The following IFT172 variants were observed in gnomAD, a reference collection of about 807,000 sequenced individuals.
IFT172 encodes the protein intraflagellar transport protein 172 homolog.
In IFT172, 164 loss-of-function variants were observed where a neutral mutation model predicts 248.9. The ratio of observed to expected loss-of-function variants is 0.66; its 90% CI spans 0.58 to 0.75. The LOEUF is 0.75. Ranked by LOEUF, IFT172 falls within the 30% of genes least tolerant of loss-of-function variation. IFT172 has a pLI of 0.00. For synonymous variants in IFT172, 729 were observed against 791.6 expected (o/e 0.92, Z 1.33); for missense variants, 1,950 against 2,192.4 (o/e 0.89, Z 2.21).
intron 14 of IFT172, among the ~76,000 whole-genome samples, chr2:27,473,340 A>C (rs113954968): frequency 0.45 from 63,761 of 140,156 alleles, 15,983 homozygotes; most frequent in African/African-American, 0.66. Context: ...ACTTCACTCC[A>C]GCCTGGATGA....
intron 25 of IFT172, 90 bp downstream of exon 25, chr2:27,459,288 G>A (rs1282622498): frequency 2.7e-6 from 4 of 1,496,194 alleles, no homozygotes; most frequent in Non-Finnish European, 3.6e-6. Flanking sequence ...AGAAGGATCT[G>A]GTGAACTTGC....
At chr2:27,462,867 G>A (rs932428771) in intron 19 of IFT172, 74 bp from the exon 20 acceptor site, 36 of 1,428,898 alleles carry the variant, frequency 2.5e-5, no homozygotes, top group Admixed American at 3.5e-5. Flanking sequence ...AAATTGGAAG[G>A]CCAGAAGGAT....
intron 16 of IFT172, among the ~76,000 whole-genome samples, chr2:27,466,463 T>A (rs1042728044): frequency 1.3e-5 from 2 of 152,132 alleles, no homozygotes; most frequent in African/African-American, 4.8e-5. Flanking sequence ...AAACCTAGGA[T>A]CCACTCTTTA....
chr2:27,480,169 T>C lies in IFT172; in HGVS notation c.786-20A>G. ...CGAAGCCTGAAATAAAGTATGTGGC[T>C]TTTAGAAGAGATTGAGGCTGAGCTA... On this transcript the variant is annotated intron_variant, in intron 8 of 47. Transcript: ENST00000260570. 1 of 1,609,868 alleles carries C rather than the reference T, an allele frequency of 6.2e-7. No individual in the cohort carries two copies. Among genetic ancestry groups the C allele is most frequent in the Non-Finnish European group, 8.5e-7 (1 of 1,178,428 alleles).
At position 27,481,221 on chromosome 2, in the gene IFT172, C is replaced by A. The variant is rs1437164423; in HGVS notation, c.610G>T (p.Ala204Ser). 2 of 1,612,542 alleles carry A rather than the reference C, an allele frequency of 1.2e-6. No individual in the cohort carries two copies. Among genetic ancestry groups the A allele is most frequent in the Admixed American group, 3.3e-5 (2 of 59,996 alleles). ...GCCACGATGCTATTGGTTGCCCATG[C>A]CAAGGCATAGGGTGGACACGGGTGG... is the stretch of plus-strand genomic sequence containing the variant. ...VNHPCPPYAL[A>S]WATNSIVAAG... Residue 204 changes from alanine (A) to serine (S), a missense_variant, in exon 8 of 48, where the codon GCA becomes TCA. By Grantham distance (99) the Ala-to-Ser change is moderately conservative (BLOSUM62 1). Around this residue, in one of 3 missense-constraint regions of IFT172, gnomAD observed 1,166 missense variants for 1,254.1 expected, o/e 0.93. Transcript: ENST00000260570.
chr2:27,483,464 T>C, intron 6 of IFT172, 88 bp from the exon 7 acceptor site: 2 of 1,398,736 alleles, frequency 1.4e-6, no homozygotes, highest in South Asian at 2.3e-5. Context: ...CAACCTTGTC[T>C]GTGCTTCCTG....
chr2:27,449,729 C>A lies in IFT172; in HGVS notation c.4122G>T (p.Trp1374Cys), dbSNP rs201558716. Residue 1374 changes from tryptophan (W) to cysteine (C), a missense_variant, in exon 37 of 48, where the codon TGG (tryptophan) becomes TGT (cysteine). Around this residue, in one of 3 missense-constraint regions of IFT172, gnomAD observed 620 missense variants for 699.0 expected, o/e 0.89. Coordinates refer to ENST00000260570, the MANE Select transcript of IFT172 (RefSeq NM_015662.3). The stretch of plus-strand genomic sequence containing the variant: ...CCTTAGCTACACGCTTCGCCTTGTT[C>A]CACTCCTCACCCTCGATGAAAGCAT... ...AIDAFIEGEEWNKAKRVAKEL... is the reference protein window; with the variant it reads ...AIDAFIEGEECNKAKRVAKEL... 2 of 1,613,918 alleles carry A rather than the reference C, an allele frequency of 1.2e-6. No individual in the cohort carries two copies. The highest frequency in any genetic ancestry group is 1.7e-5 in the Admixed American group (1 of 59,984).
chr2:27,477,085 A>G (rs1572812985), intron 13 of IFT172, 132 bp downstream of exon 13: 1 of 796,408 alleles, frequency 1.3e-6, no homozygotes, highest in East Asian at 2.4e-5. Context: ...TCCTCCTCCC[A>G]AAGTGCTGGG....
chr2:27,465,469 T>C lies in IFT172; in HGVS notation c.1879A>G (p.Met627Val), dbSNP rs1178869931. The change falls in exon 18 of 48, where the codon ATG becomes GTG. Residue 627 changes from methionine to valine, a missense_variant. Physicochemically the swap from Met to Val is conservative, Grantham distance 21 (BLOSUM62 1). This residue lies in a region of IFT172 where 1,166 missense variants were observed against 1,254.1 expected (regional missense o/e 0.93). Transcript: ENST00000260570. Reference sequence around the variant, plus strand: ...GCCAGTTTACTCAAGGTTTTCCACATTGCCTCTGTTTCTGGGGTCATTTCC... The same window carrying C: ...GCCAGTTTACTCAAGGTTTTCCACACTGCCTCTGTTTCTGGGGTCATTTCC... ...TLEMTPETEA[M>V]WKTLSKLALE... The C allele has an allele frequency of 3.7e-6, 6 of 1,614,160 alleles. No homozygotes were observed. The highest frequency in any genetic ancestry group is 4.2e-6 in the Non-Finnish European group (5 of 1,180,020).
chr2:27,478,288 T>C, intron 10 of IFT172, 132 bp from the exon 11 acceptor site: 1 of 983,064 alleles, frequency 1.0e-6, no homozygotes. Context: ...TCTAGGATAT[T>C]GTTGATAGTA....
At chr2:27,444,566 A>C (rs1664859774) in intron 47 of IFT172, 45 bp from the exon 48 acceptor site, 1 of 1,480,980 alleles carries the variant, frequency 6.8e-7, no homozygotes, top group African/African-American at 1.4e-5. Context: ...TTAATGCTGG[A>C]AATACAAAAT....
Position 27,454,631 on chromosome 2 carries a change from CGA to C in IFT172, c.3399_3400del (p.Arg1134AlafsTer21), listed in dbSNP as rs1355188708. The C allele has an allele frequency of 4.3e-6, 7 of 1,613,932 alleles. No individual in the cohort carries two copies. Among genetic ancestry groups the C allele is most frequent in the South Asian group, 3.3e-5 (3 of 91,066 alleles). On this transcript the variant is annotated frameshift_variant, in exon 31 of 48. Transcript: ENST00000260570. LOFTEE classifies it high-confidence loss of function. This position sits in a 1 kb window ranked among gnomAD's most constrained non-coding sequence, Gnocchi z 4.2. Reference sequence around the variant, plus strand: ...GGGGGTTTTGTGCTTGAGGGCCAGCCGAGAGAGTTCAAACGCAAATTCAAAGG... The same window carrying C: ...GGGGGTTTTGTGCTTGAGGGCCAGCCGAGAGTTCAAACGCAAATTCAAAGG...
intron 30 of IFT172, 123 bp downstream of exon 30, chr2:27,456,388 T>G: frequency 7.6e-7 from 1 of 1,320,388 alleles, no homozygotes; most frequent in Non-Finnish European, 1.0e-6. Context: ...AGCAGTTAAT[T>G]TATTCATGCC....
At chr2:27,447,488 G>T (rs532532533) in intron 42 of IFT172, 27 bp downstream of exon 42, 1 of 1,610,956 alleles carries the variant, frequency 6.2e-7, no homozygotes, top group East Asian at 2.2e-5. Context: ...TTCTGACTGA[G>T]TGTTCCTTCG....
chr2:27,475,801 A>G (rs1323990809), intron 14 of IFT172, among the ~76,000 whole-genome samples: 1 of 150,304 alleles, frequency 6.7e-6, no homozygotes, highest in South Asian at 2.1e-4. Flanking sequence ...AATTTAATTA[A>G]TTTCTTTTTT....
rs1666184488 is a variant in IFT172 at position 27,456,592 on chromosome 2, C to T, written c.3290G>A (p.Ser1097Asn). The T allele has an allele frequency of 6.2e-7, 1 of 1,614,220 alleles. No homozygotes were observed. Among genetic ancestry groups the T allele is most frequent in the African/African-American group, 1.3e-5 (1 of 75,072 alleles). Residue 1097 changes from serine (S) to asparagine (N), a missense_variant, in exon 30 of 48, where the codon AGC (serine) becomes AAC (asparagine). Physicochemically the swap from Ser to Asn is conservative, Grantham distance 46 (BLOSUM62 1). Transcript: ENST00000260570. Reference sequence around the variant, plus strand: ...TCTAACTGCAGCCTCTCCTCCCAGGCTCTTTGCCCACAGATAGGCCACGTG... The same window carrying T: ...TCTAACTGCAGCCTCTCCTCCCAGGTTCTTTGCCCACAGATAGGCCACGTG... ...HKHVAYLWAK[S>N]LGGEAAVRLL... is the part of the protein sequence containing the mutation.
At chr2:27,470,499 CT>C (rs1206153256) in intron 16 of IFT172, among the ~76,000 whole-genome samples, 1 of 152,154 alleles carries the variant, frequency 6.6e-6, no homozygotes, top group Non-Finnish European at 1.5e-5. Context: ...TCTCTGGCTC[CT>C]CCCAGATTTT....
intron 25 of IFT172, 115 bp downstream of exon 25, chr2:27,459,263 G>A: frequency 3.0e-6 from 4 of 1,336,884 alleles, no homozygotes; most frequent in Non-Finnish European, 3.1e-6. Context: ...TGATGATGCT[G>A]TTTGGAGCCC....
intron 12 of IFT172, 100 bp downstream of exon 12, chr2:27,477,459 T>C (rs1668042624): frequency 3.3e-6 from 4 of 1,211,336 alleles, no homozygotes; most frequent in Non-Finnish European, 4.9e-6. Flanking sequence ...CCTGTTTCTT[T>C]ATCTGCTGTT....
Sources: allele counts gnomAD v4.1 joint callset (sites outside exome capture counted in the v4.1 genomes callset), GRCh38; gene constraint gnomAD v4.1.1; regional missense constraint gnomAD v4.1.1; non-coding constraint Gnocchi (gnomAD v3.1); transcripts MANE v1.5; gene names NCBI Gene and HGNC (gene_info 2026-07-23, HGNC 2026-07-21).